The following RNF125 variants were observed in gnomAD, a reference collection of about 807,000 sequenced individuals.
RNF125 encodes the protein ring finger protein 125, also known as E3 ubiquitin-protein ligase RNF125.
Under a neutral mutation model 26.0 loss-of-function variants are expected in RNF125, and 21 were observed. The observed-to-expected ratio is 0.81, with a 90% confidence interval of 0.57 to 1.16. RNF125 has a LOEUF of 1.16. Ranked by LOEUF, RNF125 falls within the 50% of genes most tolerant of loss-of-function variation. RNF125 has a pLI of 0.00. For synonymous variants in RNF125, 95 were observed against 109.2 expected, an observed-to-expected ratio of 0.87 and a Z score of 0.81; for missense variants, 270 against 299.4, an observed-to-expected ratio of 0.90 and a Z score of 0.72.
At chr18:32,031,347 T>G (rs2039091459) in intron 1 of RNF125, 1 of 151,614 alleles carries the variant, frequency 6.6e-6, no homozygotes, top group South Asian at 2.1e-4. Context: ...ATCAATAAAA[T>G]GAGGAGAAAG....
the RNF125 span, among the ~76,000 whole-genome samples, chr18:32,087,318 T>C: frequency 6.7e-6 from 1 of 148,440 alleles, no homozygotes; most frequent in Admixed American, 6.7e-5. Flanking sequence ...TTCTGTGCAC[T>C]GCTCCAGCAA....
chr18:32,051,049 G>T (rs1175778824), intron 4 of RNF125, among the ~76,000 whole-genome samples: 5 of 151,488 alleles, frequency 3.3e-5, no homozygotes, highest in Admixed American at 1.3e-4. Context: ...TTCACTGGTT[G>T]GCTCTTACTC....
chr18:32,053,121 G>A (rs1033922826), intron 4 of RNF125, among the ~76,000 whole-genome samples: 5 of 152,152 alleles, frequency 3.3e-5, no homozygotes, highest in Non-Finnish European at 5.9e-5. Flanking sequence ...CCAGCCCTTC[G>A]GGAGGCCGAG....
At chr18:32,050,313 A>G (rs2039311231) in intron 4 of RNF125, among the ~76,000 whole-genome samples, 1 of 152,012 alleles carries the variant, frequency 6.6e-6, no homozygotes, top group African/African-American at 2.4e-5. Context: ...TTATATTGTT[A>G]TATTCTGCCA....
downstream of RNF125, chr18:32,075,913 CT>C: frequency 6.8e-7 from 1 of 1,474,188 alleles, no homozygotes. Flanking sequence ...ATTTTCCCTC[CT>C]GTGTGTTTTC....
chr18:32,060,796 G>A (rs187316491), intron 4 of RNF125, among the ~76,000 whole-genome samples: 2 of 152,202 alleles, frequency 1.3e-5, no homozygotes, highest in East Asian at 1.9e-4. Flanking sequence ...TTGCAATGTC[G>A]TTTTGACAGA....
intron 1 of RNF125, among the ~76,000 whole-genome samples, chr18:32,035,134 G>A (rs1411170672): frequency 6.6e-6 from 1 of 152,052 alleles, no homozygotes; most frequent in East Asian, 1.9e-4. Flanking sequence ...CCTTGATTTA[G>A]GTCCCACTGA....
At chr18:32,025,955 C>T (rs901943740) in intron 1 of RNF125, among the ~76,000 whole-genome samples, 4 of 151,686 alleles carry the variant, frequency 2.6e-5, no homozygotes, top group Non-Finnish European at 5.9e-5. Flanking sequence ...AAAAAAAGGT[C>T]TAGTTGACTA....
intron 1 of RNF125, among the ~76,000 whole-genome samples, chr18:32,036,722 TC>T (rs999779804): frequency 1.3e-5 from 2 of 152,044 alleles, no homozygotes; most frequent in African/African-American, 4.8e-5. Flanking sequence ...TATTTTTACT[TC>T]CTTGACTTCC....
chr18:32,025,558 A>G (rs899302613), intron 1 of RNF125, among the ~76,000 whole-genome samples: 2 of 151,012 alleles, frequency 1.3e-5, no homozygotes, highest in Admixed American at 1.3e-4. Context: ...CCAGCAACTC[A>G]GGAGGCTGAG....
rs1229703444 is a variant in RNF125 at position 32,071,022 on chromosome 18, T to C, written c.*2638T>C. 1 of 152,186 alleles carries C rather than the reference T, an allele frequency of 6.6e-6. No homozygotes were observed. The highest frequency in any genetic ancestry group is 2.4e-5 in the African/African-American group (1 of 41,410). 9.4% of individuals were successfully genotyped at this position (152,186 alleles called of 1,614,324 possible). ...CCCGACATCCCAATTTTTAAAATAG[T>C]TATACTATGTCAACATTTTCAGAAC... is the stretch of plus-strand genomic sequence containing the variant. On this transcript the variant is annotated 3_prime_UTR_variant, in exon 6 of 6. Transcript: ENST00000217740.
At chr18:32,082,997 G>C in the RNF125 span, among the ~76,000 whole-genome samples, 1 of 152,188 alleles carries the variant, frequency 6.6e-6, no homozygotes, top group Non-Finnish European at 1.5e-5. Flanking sequence ...AGCTAGATTT[G>C]TTGGCAATAG....
chr18:32,047,119 C>T (rs1445906440), intron 4 of RNF125, among the ~76,000 whole-genome samples: 1 of 152,168 alleles, frequency 6.6e-6, no homozygotes, highest in Non-Finnish European at 1.5e-5. Context: ...TCACTGCAAC[C>T]TCCGCCTCCC....
intron 1 of RNF125, among the ~76,000 whole-genome samples, chr18:32,023,186 T>C (rs1419048066): frequency 6.6e-6 from 1 of 152,130 alleles, no homozygotes; most frequent in African/African-American, 2.4e-5. Flanking sequence ...GGAGTCTCAC[T>C]CTGTCACCTA....
At chr18:32,079,042 T>C in the RNF125 span, among the ~76,000 whole-genome samples, 5,572 of 152,198 alleles carry the variant, frequency 0.037, 362 homozygotes, top group African/African-American at 0.13. Context: ...CTGAGATCCA[T>C]GAGATGGGGA....
intron 5 of RNF125, among the ~76,000 whole-genome samples, chr18:32,066,587 G>C (rs927861390): frequency 5.9e-5 from 9 of 152,176 alleles, no homozygotes; most frequent in Non-Finnish European, 1.3e-4. Flanking sequence ...AAGGAGCTCA[G>C]GTTCTAAACT....
At chr18:32,036,209 C>T (rs1002487033) in intron 1 of RNF125, among the ~76,000 whole-genome samples, 2 of 150,846 alleles carry the variant, frequency 1.3e-5, no homozygotes, top group East Asian at 1.9e-4. Flanking sequence ...GGGCTGGCCA[C>T]GCTGTTTTTG....
At chr18:32,060,449 A>G (rs1415454906) in intron 4 of RNF125, among the ~76,000 whole-genome samples, 20 of 152,226 alleles carry the variant, frequency 1.3e-4, no homozygotes, top group Admixed American at 1.2e-3. Context: ...AGTAGCTTCT[A>G]ATATGGTAGC....
At chr18:32,065,204 C>A (rs996763634) in intron 4 of RNF125, among the ~76,000 whole-genome samples, 1 of 152,012 alleles carries the variant, frequency 6.6e-6, no homozygotes, top group Non-Finnish European at 1.5e-5. Context: ...TGAATGGTTA[C>A]CTGTTGTTGT....
Sources: gnomAD v4.1 joint callset for allele counts (sites outside exome capture counted in the v4.1 genomes callset) on GRCh38, gnomAD v4.1.1 for gene constraint, MANE v1.5 for transcripts, NCBI Gene and HGNC (gene_info 2026-07-23, HGNC 2026-07-21) for gene names.